Variants in PCDHGB3 observed in about 807,000 individuals in gnomAD.
PCDHGB3 encodes the protein protocadherin gamma-B3.
A neutral mutation model predicts 59.2 loss-of-function variants in PCDHGB3; 40 were observed. The observed-to-expected ratio is 0.68, with a 90% CI of 0.52 to 0.88. The LOEUF is 0.88. Ranked by LOEUF, PCDHGB3 falls within the 40% of genes least tolerant of loss-of-function variation. The probability of loss-of-function intolerance (pLI) is 0.00; values close to 1 mark genes in which losing one functional copy is unlikely to be tolerated. For missense variants in PCDHGB3, 1,309 were observed against 1,187.9 expected (o/e 1.10, Z -1.50); for synonymous variants, 581 against 503.6 (o/e 1.15, Z -2.06).
At chr5:141,430,076 T>C (rs2097260023) in intron 1 of PCDHGB3, among the ~76,000 whole-genome samples, 1 of 152,208 alleles carries the variant, frequency 6.6e-6, no homozygotes, top group South Asian at 2.1e-4. Context: ...GTTTCCATAA[T>C]ATCATGAAAA....
intron 1 of PCDHGB3, chr5:141,419,197 T>A (rs560134083): frequency 6.2e-7 from 1 of 1,613,966 alleles, no homozygotes; most frequent in East Asian, 2.2e-5. Flanking sequence ...CTGACGTCAA[T>A]GACAACGCGC....
chr5:141,431,397 C>A lies in PCDHGB3; in HGVS notation c.2415+58588C>A. ...AAGGCTGCTCACCACCTGGTCCTTA[C>A]GGCCTCCGACGGGGGCGACCCGGTG... On this transcript the variant is annotated intron_variant, in intron 1 of 3. Coordinates refer to ENST00000576222, the MANE Select transcript of PCDHGB3 (RefSeq NM_018924.5). The surrounding 1 kb of genome is among the most constrained non-coding windows in gnomAD (Gnocchi z 4.8). 3.1e-6 allele frequency: 5 copies of A among 1,613,782 alleles called. No individual in the cohort carries two copies. Among genetic ancestry groups the A allele is most frequent in the Non-Finnish European group, 4.2e-6 (5 of 1,180,034 alleles).
chr5:141,423,246 G>A, intron 1 of PCDHGB3: 15 of 1,613,922 alleles, frequency 9.3e-6, no homozygotes, highest in Non-Finnish European at 1.3e-5. Context: ...CCGAAGTCCT[G>A]GCGGACCTCG....
intron 3 of PCDHGB3, among the ~76,000 whole-genome samples, chr5:141,506,116 A>T: frequency 6.6e-6 from 1 of 152,136 alleles, no homozygotes; most frequent in East Asian, 1.9e-4. Flanking sequence ...AAGAGTCACT[A>T]GGGCCCAGAG....
At chr5:141,417,602 C>G in intron 1 of PCDHGB3, 1 of 510,170 alleles carries the variant, frequency 2.0e-6, no homozygotes, top group Middle Eastern at 5.2e-4. Context: ...TGGGCGCCGC[C>G]GTCGGCCAGT....
At chr5:141,420,234 T>G (rs766733064) in intron 1 of PCDHGB3, 1 of 1,600,030 alleles carries the variant, frequency 6.2e-7, no homozygotes, top group Non-Finnish European at 8.5e-7. Flanking sequence ...GCTAGCATTT[T>G]AACTCCCAGC....
At chr5:141,398,006 A>G in intron 1 of PCDHGB3, 1 of 1,396,152 alleles carries the variant, frequency 7.2e-7, no homozygotes. Context: ...TCGGAAAAAG[A>G]ATCGTTTCCT....
intron 1 of PCDHGB3, chr5:141,382,669 G>GT (rs1778360255): frequency 2.3e-6 from 1 of 433,228 alleles, no homozygotes. Context: ...CAGCGCCGCT[G>GT]TTCACCAACC....
intron 1 of PCDHGB3, chr5:141,398,034 A>G: frequency 6.8e-7 from 1 of 1,475,238 alleles, no homozygotes; most frequent in South Asian, 1.4e-5. Context: ...AACTGGAACT[A>G]AAGCCCGTTC....
At chr5:141,376,514 T>C in intron 1 of PCDHGB3, 1 of 1,613,998 alleles carries the variant, frequency 6.2e-7, no homozygotes, top group Non-Finnish European at 8.5e-7. Context: ...TCAGGTGAGT[T>C]TCTTTCCGCC....
intron 1 of PCDHGB3, chr5:141,410,800 T>A: frequency 1.5e-6 from 1 of 678,550 alleles, no homozygotes; most frequent in Non-Finnish European, 2.2e-6. Context: ...TAAGTTGCTC[T>A]ATCTTTTTGT....
chr5:141,400,322 G>T lies in PCDHGB3; in HGVS notation c.2415+27513G>T, dbSNP rs1025265322. The stretch of plus-strand genomic sequence containing the variant: ...CAACCTGGTCTCTGTGTCAAGTCTG[G>T]ACCTGTGGTTCCCCCCAACTACAGT... On this transcript the variant is annotated intron_variant, in intron 1 of 3. Transcript: ENST00000576222. 1.9e-6 allele frequency: 3 copies of T among 1,613,952 alleles called. No homozygotes were observed. In the African/African-American group the frequency reaches 4.0e-5, roughly 22 times the overall value.
intron 1 of PCDHGB3, chr5:141,411,948 G>A (rs2095525022): frequency 1.3e-5 from 2 of 152,152 alleles, no homozygotes. Flanking sequence ...GAAGATTTTT[G>A]AAGAAAAAAG....
intron 1 of PCDHGB3, chr5:141,402,830 G>A: frequency 7.4e-7 from 1 of 1,346,490 alleles, no homozygotes; most frequent in Non-Finnish European, 9.8e-7. Flanking sequence ...CTCCCAGGCT[G>A]CAGCAAAACT....
intron 1 of PCDHGB3, among the ~76,000 whole-genome samples, chr5:141,443,179 A>G (rs2098370392): frequency 6.6e-6 from 1 of 152,190 alleles, no homozygotes; most frequent in South Asian, 2.1e-4. Flanking sequence ...TGTCCACTGC[A>G]TCATTCTCTA....
chr5:141,489,267 C>A lies in PCDHGB3; in HGVS notation c.2416-5540C>A. On this transcript the variant is annotated intron_variant, in intron 1 of 3. Transcript: ENST00000576222. This position sits in a 1 kb window ranked among gnomAD's most constrained non-coding sequence, Gnocchi z 4.5. ...TGGGGCCCAAGACACTCCCACAGCT[C>A]GCTGGGAAATGGCAAGTGCTGTGCA... is the stretch of plus-strand genomic sequence containing the variant. 1 of 1,553,300 alleles carries A rather than the reference C, an allele frequency of 6.4e-7. No homozygotes were observed. The highest frequency in any genetic ancestry group is 8.7e-7 in the Non-Finnish European group (1 of 1,149,864).
intron 1 of PCDHGB3, among the ~76,000 whole-genome samples, chr5:141,438,498 CAT>C (rs2097963931): frequency 6.7e-6 from 1 of 149,704 alleles, no homozygotes; most frequent in African/African-American, 2.5e-5. Context: ...AAAAAAGAAT[CAT>C]AGTGCAAAAC....
chr5:141,410,661 A>G, intron 1 of PCDHGB3: 1 of 1,572,394 alleles, frequency 6.4e-7, no homozygotes, highest in Non-Finnish European at 8.6e-7. Context: ...CTAATAGTCT[A>G]CTAGTTTCTC....
intron 1 of PCDHGB3, chr5:141,409,341 G>A (rs753232321): frequency 1.9e-6 from 3 of 1,613,976 alleles, no homozygotes; most frequent in Non-Finnish European, 2.5e-6. Flanking sequence ...GGAGGAAATG[G>A]AGAAGTCAGG....
Sources: gnomAD v4.1 joint callset for allele counts (sites outside exome capture counted in the v4.1 genomes callset) on GRCh38, gnomAD v4.1.1 for gene constraint, Gnocchi (gnomAD v3.1) non-coding constraint, MANE v1.5 for transcripts, NCBI Gene and HGNC (gene_info 2026-07-23, HGNC 2026-07-21) for gene names.